The following ARFGEF1 variants were observed in gnomAD, a reference collection of about 807,000 sequenced individuals.
ARFGEF1 encodes the protein brefeldin A-inhibited guanine nucleotide-exchange protein 1.
In ARFGEF1, 42 loss-of-function variants were observed where a neutral mutation model predicts 231.0. The ratio of observed to expected loss-of-function variants is 0.18; its 90% CI spans 0.14 to 0.24. The LOEUF (loss-of-function observed/expected upper bound fraction) is 0.24. Among genes scored for constraint, ARFGEF1 ranks in the 10% least tolerant of loss-of-function variants. The pLI, the probability that ARFGEF1 is intolerant of heterozygous loss-of-function variation, is 1.00. For missense variants in ARFGEF1, 1,345 were observed against 2,192.0 expected (o/e 0.61, Z 7.72); for synonymous variants, 710 against 732.3 (o/e 0.97, Z 0.49).
chr8:67,309,807 C>G (rs1806912854), intron 1 of ARFGEF1, among the ~76,000 whole-genome samples: 1 of 152,178 alleles, frequency 6.6e-6, no homozygotes, highest in South Asian at 2.1e-4. Context: ...TCCAACGTTT[C>G]TGACTGCAAA....
chr8:67,309,213 A>T (rs1374106342), intron 1 of ARFGEF1, among the ~76,000 whole-genome samples: 1 of 152,226 alleles, frequency 6.6e-6, no homozygotes, highest in Non-Finnish European at 1.5e-5. Context: ...TAAAAAAGTC[A>T]AACTCATAGA....
chr8:67,271,045 G>GAAAAAAAAA (rs1563878469), intron 10 of ARFGEF1, among the ~76,000 whole-genome samples: 19 of 69,634 alleles, frequency 2.7e-4, no homozygotes, highest in East Asian at 3.8e-4. Flanking sequence ...AAAAAAAAAG[G>GAAAAAAAAA]AAAAAGAAAA....
At chr8:67,206,690 T>C (rs1838534196) in intron 34 of ARFGEF1, among the ~76,000 whole-genome samples, 3 of 152,216 alleles carry the variant, frequency 2.0e-5, no homozygotes, top group African/African-American at 7.2e-5. Context: ...CCTGAGATGC[T>C]GCTGCCACGC....
intron 5 of ARFGEF1, among the ~76,000 whole-genome samples, chr8:67,295,521 A>C (rs1181899321): frequency 2.0e-5 from 3 of 152,198 alleles, no homozygotes; most frequent in African/African-American, 7.2e-5. Flanking sequence ...AGAAAACATC[A>C]CAAAAAGTAA....
At chr8:67,285,726 T>C (rs1436274133) in intron 7 of ARFGEF1, among the ~76,000 whole-genome samples, 1 of 152,200 alleles carries the variant, frequency 6.6e-6, no homozygotes, top group Non-Finnish European at 1.5e-5. Flanking sequence ...TGGTATTAAG[T>C]ACTAATATCA....
chr8:67,195,308 T>A (rs1179702605), downstream of ARFGEF1: 1 of 890,218 alleles, frequency 1.1e-6, no homozygotes, highest in Non-Finnish European at 1.9e-6. Flanking sequence ...TGAGTTGGAC[T>A]ACAAGAGACC....
At chr8:67,243,828 G>A (rs1433597392) in intron 19 of ARFGEF1, among the ~76,000 whole-genome samples, 1 of 152,136 alleles carries the variant, frequency 6.6e-6, no homozygotes, top group Non-Finnish European at 1.5e-5. Flanking sequence ...GAATTCAAAA[G>A]AGCTGTTTTG....
intron 25 of ARFGEF1, 63 bp downstream of exon 25, chr8:67,227,900 C>A: frequency 2.2e-6 from 3 of 1,336,806 alleles, no homozygotes; most frequent in East Asian, 2.5e-5. Context: ...AATTTGATTA[C>A]AAGGACATTC....
intron 29 of ARFGEF1, among the ~76,000 whole-genome samples, chr8:67,223,077 A>G (rs1316898127): frequency 6.6e-6 from 1 of 152,230 alleles, no homozygotes; most frequent in African/African-American, 2.4e-5. Flanking sequence ...CCTGTCATTA[A>G]ATGATGCCTG....
intron 1 of ARFGEF1, among the ~76,000 whole-genome samples, chr8:67,306,136 G>A (rs533936561): frequency 1.3e-5 from 2 of 152,302 alleles, no homozygotes; most frequent in African/African-American, 4.8e-5. Flanking sequence ...TGAATTGCCA[G>A]CATCACCACT....
chr8:67,246,972 T>C (rs1416123000), intron 19 of ARFGEF1, among the ~76,000 whole-genome samples: 1 of 150,046 alleles, frequency 6.7e-6, no homozygotes, highest in African/African-American at 2.5e-5. Context: ...AGCAACTACA[T>C]GCCGGTAAAC....
downstream of ARFGEF1, chr8:67,195,592 A>AAAAT (rs764952763): frequency 5.0e-6 from 8 of 1,613,686 alleles, no homozygotes; most frequent in Non-Finnish European, 6.8e-6. Context: ...GCACATGGTT[A>AAAAT]AAATAAACCT....
Position 67,226,004 on chromosome 8 carries a change from T to C in ARFGEF1, c.4077+19A>G, listed in dbSNP as rs1351521981. The C allele has an allele frequency of 6.4e-7, 1 of 1,557,148 alleles. No homozygotes were observed. The highest frequency in any genetic ancestry group is 2.3e-5 in the East Asian group (1 of 43,672). On this transcript the variant is annotated intron_variant, in intron 28 of 38. Transcript: ENST00000262215. The stretch of plus-strand genomic sequence containing the variant: ...GAAAGAATACTCTGCAAAATTTTGT[T>C]TACTAAATGACGCTATACCTGAGGT...
chr8:67,289,675 T>C (rs1805924279), intron 6 of ARFGEF1, among the ~76,000 whole-genome samples: 1 of 151,180 alleles, frequency 6.6e-6, no homozygotes, highest in African/African-American at 2.4e-5. Context: ...GTCTGTAGTA[T>C]CCCAAAAATA....
intron 16 of ARFGEF1, 134 bp downstream of exon 16, chr8:67,257,951 C>T (rs768916030): frequency 1.0e-5 from 12 of 1,179,788 alleles, no homozygotes; most frequent in Admixed American, 4.9e-5. Context: ...ATTTGTTTTA[C>T]GACTTCCAGA....
downstream of ARFGEF1, chr8:67,175,316 C>G (rs1420249939): frequency 1.2e-6 from 2 of 1,611,886 alleles, no homozygotes; most frequent in Non-Finnish European, 1.7e-6. Context: ...ACGAGTTGAT[C>G]TGAAATTTAT....
chr8:67,222,394 T>C (rs986830613), intron 29 of ARFGEF1, among the ~76,000 whole-genome samples: 1 of 151,304 alleles, frequency 6.6e-6, no homozygotes, highest in African/African-American at 2.4e-5. Context: ...CCTTCCCAAG[T>C]AGCTGGGATT....
At chr8:67,300,017 T>G (rs1229774779) in intron 3 of ARFGEF1, among the ~76,000 whole-genome samples, 2 of 152,116 alleles carry the variant, frequency 1.3e-5, no homozygotes, top group African/African-American at 4.8e-5. Flanking sequence ...AAACAAGGTT[T>G]TATTGATACT....
downstream of ARFGEF1, among the ~76,000 whole-genome samples, chr8:67,194,719 G>A (rs1837422923): frequency 1.3e-5 from 2 of 151,266 alleles, no homozygotes; most frequent in African/African-American, 4.9e-5. Context: ...ATATCACAGG[G>A]TAGGAAGACA....
Sources: allele counts gnomAD v4.1 joint callset (sites outside exome capture counted in the v4.1 genomes callset), GRCh38; gene constraint gnomAD v4.1.1; transcripts MANE v1.5; gene names NCBI Gene and HGNC (gene_info 2026-07-23, HGNC 2026-07-21).